The following MED12L variants were observed in gnomAD, a reference collection of about 807,000 sequenced individuals.
MED12L encodes mediator of RNA polymerase II transcription subunit 12-like protein.
Under a neutral mutation model 281.3 loss-of-function variants are expected in MED12L, and 60 were observed. The ratio of observed to expected loss-of-function variants is 0.21; its 90% CI spans 0.17 to 0.26. MED12L has a LOEUF of 0.26. Ranked by LOEUF, MED12L falls within the 10% of genes least tolerant of loss-of-function variation. The probability of loss-of-function intolerance (pLI) is 1.00; values close to 1 mark genes in which losing one functional copy is unlikely to be tolerated. For missense variants in MED12L, 2,146 were observed against 2,680.9 expected (o/e 0.80, Z 4.41); for synonymous variants, 974 against 987.2 (o/e 0.99, Z 0.25).
At chr3:151,384,383 C>T (rs555911242) in intron 35 of MED12L, among the ~76,000 whole-genome samples, 165 bp downstream of exon 35, 1 of 152,292 alleles carries the variant, frequency 6.6e-6, no homozygotes, top group East Asian at 1.9e-4. Context: ...CCAGAAGTTA[C>T]ATGCACATAA....
At chr3:151,102,805 G>T (rs776242472) in intron 2 of MED12L, among the ~76,000 whole-genome samples, 8 of 152,138 alleles carry the variant, frequency 5.3e-5, no homozygotes, top group Non-Finnish European at 1.2e-4. Flanking sequence ...AATACATTTG[G>T]TGGGGAATCA....
intron 42 of MED12L, among the ~76,000 whole-genome samples, chr3:151,416,028 G>A (rs3821665): frequency 0.46 from 69,144 of 151,900 alleles, 16,306 homozygotes; most frequent in Admixed American, 0.51. Context: ...GTAAGCAGAA[G>A]GGATGGCCCC....
chr3:151,370,437 G>A (rs1261602097), intron 26 of MED12L, among the ~76,000 whole-genome samples: 1 of 152,146 alleles, frequency 6.6e-6, no homozygotes, highest in Non-Finnish European at 1.5e-5. Flanking sequence ...ATTTGGTGAT[G>A]ATGAGGAAGG....
rs1431787735 is a variant in MED12L at position 151,369,340 on chromosome 3, CCA to C, written c.3551-93_3551-92del. Reference sequence around the variant, plus strand: ...AAGCAAGCTAATGGCAATTAAGCACCCACAGTCTAACAATGAAAGGCTGACTG... The same window carrying C: ...AAGCAAGCTAATGGCAATTAAGCACCCAGTCTAACAATGAAAGGCTGACTG... On this transcript the variant is annotated intron_variant, in intron 25 of 44. Transcript: ENST00000687756. 4.8e-5 allele frequency: 36 copies of C among 756,292 alleles called. No homozygotes were observed. The South Asian group carries it at 7.4e-4, about 16-fold the overall frequency. 46.8% of individuals were successfully genotyped at this position (756,292 alleles called of 1,614,324 possible). A position where few individuals can be genotyped will look rare whatever the true frequency, so the allele number is the denominator to read the frequency against.
chr3:151,365,641 T>C (rs1755183312), intron 22 of MED12L, among the ~76,000 whole-genome samples: 1 of 152,254 alleles, frequency 6.6e-6, no homozygotes, highest in Non-Finnish European at 1.5e-5. Context: ...TATTGTTTGT[T>C]GCTTAACAGC....
intron 39 of MED12L, among the ~76,000 whole-genome samples, chr3:151,398,686 C>T (rs1282795995): frequency 6.6e-6 from 1 of 152,132 alleles, no homozygotes; most frequent in Non-Finnish European, 1.5e-5. Flanking sequence ...TGTTTTCATT[C>T]TTCTTGGTTG....
At chr3:151,297,794 C>A (rs955641005) in intron 16 of MED12L, among the ~76,000 whole-genome samples, 24 of 151,826 alleles carry the variant, frequency 1.6e-4, no homozygotes, top group African/African-American at 5.8e-4. Flanking sequence ...ATGATTTTGC[C>A]TAACAATTAT....
intron 13 of MED12L, among the ~76,000 whole-genome samples, chr3:151,189,143 TAGAA>T (rs1276563700): frequency 6.6e-6 from 1 of 151,894 alleles, no homozygotes; most frequent in East Asian, 1.9e-4. Flanking sequence ...TCAAAAGCAA[TAGAA>T]AGAGGGAGAA....
intron 5 of MED12L, among the ~76,000 whole-genome samples, chr3:151,155,232 C>T (rs1440708140): frequency 6.6e-6 from 1 of 152,168 alleles, no homozygotes; most frequent in Non-Finnish European, 1.5e-5. Context: ...TGCTGTTTTG[C>T]TAATCCTTGG....
At chr3:151,369,095 G>T (rs1336464598) in intron 25 of MED12L, among the ~76,000 whole-genome samples, 2 of 152,154 alleles carry the variant, frequency 1.3e-5, no homozygotes, top group Non-Finnish European at 2.9e-5. Flanking sequence ...AAGGAATAAA[G>T]TAAGAATTTT....
chr3:151,408,632 T>G (rs1439144463), intron 39 of MED12L, among the ~76,000 whole-genome samples: 2 of 152,354 alleles, frequency 1.3e-5, no homozygotes, highest in East Asian at 3.9e-4. Flanking sequence ...TGTATTAGAT[T>G]AAGATTGGTG....
intron 16 of MED12L, among the ~76,000 whole-genome samples, chr3:151,301,510 G>T (rs1379007951): frequency 1.3e-5 from 2 of 152,164 alleles, no homozygotes; most frequent in African/African-American, 4.8e-5. Flanking sequence ...GAAAATATTT[G>T]CATGTTATAT....
chr3:151,399,403 C>CT (rs1715379273), intron 39 of MED12L, among the ~76,000 whole-genome samples: 1 of 152,180 alleles, frequency 6.6e-6, no homozygotes, highest in Non-Finnish European at 1.5e-5. Flanking sequence ...AAATGGTTTA[C>CT]TTGTATAATT....
intron 40 of MED12L, among the ~76,000 whole-genome samples, chr3:151,410,829 A>G (rs531602184): frequency 5.3e-5 from 8 of 152,342 alleles, no homozygotes; most frequent in East Asian, 1.9e-4. Context: ...ACATACTGGA[A>G]AAGTGTATTT....
At chr3:151,390,398 G>T (rs895930185) in intron 38 of MED12L, among the ~76,000 whole-genome samples, 1 of 152,198 alleles carries the variant, frequency 6.6e-6, no homozygotes, top group Non-Finnish European at 1.5e-5. Flanking sequence ...AGATATAAAA[G>T]TTGATAACGG....
At chr3:151,379,420 A>T (rs1405800685) in intron 31 of MED12L, among the ~76,000 whole-genome samples, 2 of 152,216 alleles carry the variant, frequency 1.3e-5, no homozygotes, top group African/African-American at 4.8e-5. Flanking sequence ...TTTGTTGATT[A>T]TTCTCTAATT....
chr3:151,394,523 G>A (rs1714703904), intron 38 of MED12L, 133 bp from the exon 39 acceptor site: 1 of 1,363,204 alleles, frequency 7.3e-7, no homozygotes, highest in South Asian at 1.4e-5. Flanking sequence ...TTTGTGGCAG[G>A]TGGGACAGTG....
At chr3:151,195,442 A>G (rs977593713) in intron 16 of MED12L, among the ~76,000 whole-genome samples, 5 of 151,910 alleles carry the variant, frequency 3.3e-5, no homozygotes, top group Admixed American at 6.6e-5. Flanking sequence ...CAATTAATCC[A>G]TTTTTTGTTA....
intron 12 of MED12L, among the ~76,000 whole-genome samples, chr3:151,186,550 G>T (rs1238902356): frequency 6.6e-6 from 1 of 152,120 alleles, no homozygotes; most frequent in East Asian, 1.9e-4. Context: ...GTCACCTTGA[G>T]GCCTCTGCTC....
Sources: allele counts gnomAD v4.1 joint callset (sites outside exome capture counted in the v4.1 genomes callset), GRCh38; gene constraint gnomAD v4.1.1; transcripts MANE v1.5; gene names NCBI Gene and HGNC (gene_info 2026-07-23, HGNC 2026-07-21).